The following MYO5B variants were observed in gnomAD, a reference collection of about 807,000 sequenced individuals.
The protein encoded by MYO5B is myosin VB, also known as unconventional myosin-Vb.
In MYO5B, 143 loss-of-function variants were observed where a neutral mutation model predicts 229.3. That is an observed-to-expected ratio of 0.62 (90% CI 0.54 to 0.72). The LOEUF (loss-of-function observed/expected upper bound fraction) is 0.72. Ranked by LOEUF, MYO5B falls within the 30% of genes least tolerant of loss-of-function variation. MYO5B has a pLI of 0.00. For synonymous variants in MYO5B, 918 were observed against 885.2 expected (o/e 1.04, Z -0.66); for missense variants, 2,321 against 2,331.0 (o/e 1.00, Z 0.09).
intron 4 of MYO5B, among the ~76,000 whole-genome samples, chr18:50,017,295 T>C (rs1348333342): frequency 6.6e-6 from 1 of 152,094 alleles, no homozygotes; most frequent in African/African-American, 2.4e-5. Flanking sequence ...AATTTTTTTT[T>C]TGTATTTTTA....
intron 22 of MYO5B, among the ~76,000 whole-genome samples, chr18:49,886,334 G>A (rs906220949): frequency 1.3e-5 from 2 of 152,084 alleles, no homozygotes; most frequent in Non-Finnish European, 2.9e-5. Flanking sequence ...TGTCTCATCC[G>A]TTTATCTGTA....
intron 14 of MYO5B, among the ~76,000 whole-genome samples, chr18:49,948,598 C>G (rs1365913305): frequency 6.6e-6 from 1 of 152,100 alleles, no homozygotes; most frequent in Non-Finnish European, 1.5e-5. Flanking sequence ...ATCTCAAGCT[C>G]CTATTCAGAA....
At chr18:50,040,994 T>C (rs1271664253) in intron 2 of MYO5B, among the ~76,000 whole-genome samples, 1 of 152,182 alleles carries the variant, frequency 6.6e-6, no homozygotes, top group East Asian at 1.9e-4. Context: ...TTTATAACCC[T>C]CGGTACATGT....
chr18:50,023,304 C>A (rs923502316), intron 4 of MYO5B, among the ~76,000 whole-genome samples: 3 of 152,082 alleles, frequency 2.0e-5, no homozygotes, highest in African/African-American at 4.8e-5. Context: ...GCCTACATGA[C>A]CTAGACAAGT....
chr18:49,924,735 G>A (rs1201441542), intron 17 of MYO5B, among the ~76,000 whole-genome samples: 1 of 152,336 alleles, frequency 6.6e-6, no homozygotes, highest in East Asian at 1.9e-4. Context: ...AGGAATGGCA[G>A]GTCTAGGCCT....
In MYO5B at chr18:49,844,248, G is replaced by T. The variant is rs548167061; in HGVS notation, c.4460-856C>A. On this transcript the variant is annotated intron_variant, in intron 33 of 39. Transcript: ENST00000285039. ...CCATGCCAGCTGAGCCAGACTTAAG[G>T]CAACAGGTGGTGGTAGAAGGCCAGA... Among the ~76,000 whole-genome samples, 13 of 152,340 alleles carry T rather than the reference G, an allele frequency of 8.5e-5. No individual in the cohort carries two copies. In the South Asian group the frequency reaches 2.5e-3, roughly 29 times the overall value.
chr18:49,989,111 AT>A (rs1035374700), intron 7 of MYO5B, among the ~76,000 whole-genome samples: 1 of 152,142 alleles, frequency 6.6e-6, no homozygotes, highest in African/African-American at 2.4e-5. Flanking sequence ...ACCCACAACT[AT>A]TTTGCTCAAT....
At chr18:50,097,503 G>T (rs2031575311) in intron 1 of MYO5B, 3 of 328,154 alleles carry the variant, frequency 9.1e-6, no homozygotes, top group Non-Finnish European at 1.8e-5. Context: ...AGAAATCGCG[G>T]TGTTATTTAA....
intron 39 of MYO5B, among the ~76,000 whole-genome samples, chr18:49,829,229 G>A (rs1437376481): frequency 2.6e-5 from 4 of 151,342 alleles, no homozygotes; most frequent in Non-Finnish European, 4.4e-5. Context: ...CAGGTGTGTG[G>A]GAAGACTAAA....
intron 9 of MYO5B, among the ~76,000 whole-genome samples, chr18:49,976,500 C>A (rs1451094278): frequency 6.6e-6 from 1 of 152,190 alleles, no homozygotes; most frequent in East Asian, 1.9e-4. Context: ...CACAGCTGAA[C>A]TGGTTTAATA....
chr18:49,974,779 T>TCTCACACACACACACACACACACACACA (rs1555648454), intron 9 of MYO5B, among the ~76,000 whole-genome samples, 164 bp from the exon 10 acceptor site: 1 of 117,048 alleles, frequency 8.5e-6, no homozygotes, highest in Admixed American at 9.1e-5. Flanking sequence ...GCAGTCTCTC[T>TCTCACACACACACACACACACACACACA]CACACACACA....
intron 1 of MYO5B, among the ~76,000 whole-genome samples, chr18:50,180,484 C>T (rs1418124529): frequency 6.6e-6 from 1 of 152,206 alleles, no homozygotes; most frequent in Non-Finnish European, 1.5e-5. Context: ...AAACACCTAA[C>T]CTCTGTTTTC....
At chr18:50,021,614 A>G (rs1452366413) in intron 4 of MYO5B, among the ~76,000 whole-genome samples, 2 of 151,190 alleles carry the variant, frequency 1.3e-5, no homozygotes, top group African/African-American at 4.9e-5. Flanking sequence ...ATGGGAGGCC[A>G]TTCTTAGATG....
At chr18:49,829,459 G>C (rs187223457) in intron 39 of MYO5B, among the ~76,000 whole-genome samples, 21 of 152,270 alleles carry the variant, frequency 1.4e-4, no homozygotes, top group African/African-American at 4.1e-4. Context: ...TATTGAATTA[G>C]TAATTAAATA....
At position 50,195,102 on chromosome 18, in the gene MYO5B, G is replaced by A. The variant is rs2033285728; in HGVS notation, c.-309C>T. ...GAGGCGAGGGCCGGCGAGGAGGGAG[G>A]ACCCGCTCGCGTCAGAGCGGACGGC... is the stretch of plus-strand genomic sequence containing the variant. On this transcript the variant is annotated 5_prime_UTR_variant, in exon 1 of 40. Transcript: ENST00000285039. 1 of 257,626 alleles carries A rather than the reference G, an allele frequency of 3.9e-6. No homozygotes were observed. The highest frequency in any genetic ancestry group is 7.3e-6 in the Non-Finnish European group (1 of 136,724). 16.0% of individuals were successfully genotyped at this position (257,626 alleles called of 1,614,324 possible).
intron 17 of MYO5B, among the ~76,000 whole-genome samples, chr18:49,913,889 G>C (rs570046028): frequency 1.0e-3 from 158 of 152,140 alleles, no homozygotes; most frequent in African/African-American, 3.6e-3. Context: ...ACACTGAGAG[G>C]AGTTCACCTG....
chr18:49,925,272 C>A lies in MYO5B; in HGVS notation c.2090+4240G>T, dbSNP rs533559473. ...TCCTTTCTATTGATAATATCCCCAC[C>A]AATTGCCAATCAGAAAATCTTTGAA... On this transcript the variant is annotated intron_variant, in intron 17 of 39. Transcript: ENST00000285039. 2.3e-4 allele frequency among the ~76,000 whole-genome samples: 35 copies of A among 152,338 alleles called. No individual in the cohort carries two copies. In the East Asian group the frequency reaches 4.0e-3, roughly 18 times the overall value.
In MYO5B at chr18:50,187,241, C is replaced by T. The variant is rs556080363; in HGVS notation, c.27+7526G>A. The stretch of plus-strand genomic sequence containing the variant: ...AGTCTCTGTAATTTCTACATAACTA[C>T]AAAAAGTAGTAATGAGTACACCTAG... On this transcript the variant is annotated intron_variant, in intron 1 of 39. Transcript: ENST00000285039. Among the ~76,000 whole-genome samples, 8 of 152,290 alleles carry T rather than the reference C, an allele frequency of 5.3e-5. No homozygotes were observed. In the South Asian group the frequency reaches 1.7e-3, roughly 32 times the overall value.
intron 1 of MYO5B, among the ~76,000 whole-genome samples, chr18:50,088,793 T>C (rs922355307): frequency 1.4e-4 from 21 of 152,220 alleles, no homozygotes; most frequent in African/African-American, 3.9e-4. Flanking sequence ...AGTCATTGTT[T>C]TGCATATCTA....
Sources: allele counts gnomAD v4.1 joint callset (sites outside exome capture counted in the v4.1 genomes callset), GRCh38; gene constraint gnomAD v4.1.1; transcripts MANE v1.5; gene names NCBI Gene and HGNC (gene_info 2026-07-23, HGNC 2026-07-21).